NPIPB2: variants seen among roughly 807,000 people sequenced by gnomAD.
The protein encoded by NPIPB2 is nuclear pore complex interacting protein family member B2.
Under a neutral mutation model 30.8 loss-of-function variants are expected in NPIPB2, and 27 were observed. That is an observed-to-expected ratio of 0.88 (90% CI 0.65 to 1.21). The LOEUF is 1.21. Ranked by LOEUF, NPIPB2 falls within the 50% of genes most tolerant of loss-of-function variation. The pLI, the probability that NPIPB2 is intolerant of heterozygous loss-of-function variation, is 0.00. For missense variants in NPIPB2, 440 were observed against 446.2 expected (o/e 0.99, Z 0.13); for synonymous variants, 147 against 162.0 (o/e 0.91, Z 0.70).
At chr16:11,944,101 C>T (rs1352258322), upstream of NPIPB2, among the ~76,000 whole-genome samples, 1 of 145,716 alleles carries the variant, frequency 6.9e-6, no homozygotes, top group Non-Finnish European at 1.5e-5. Context: ...AATTTTAAAA[C>T]ATGAGGTGAA....
chr16:11,937,643 T>G lies in NPIPB2; in HGVS notation c.89A>C (p.His30Pro), dbSNP rs746593962. Residue 30 changes from histidine (H) to proline (P), a missense_variant, in exon 2 of 8, where the codon CAT (histidine) becomes CCT (proline). Around this residue, in one of 3 missense-constraint regions of NPIPB2, gnomAD observed 252 missense variants for 233.0 expected, o/e 1.08. Coordinates refer to ENST00000399147, the Ensembl canonical transcript of NPIPB2. ...TCCACCAAAGTCAGTCCCACGATGA[T>G]GATGGTCAGCCAGAGTATTGATAAC... The G allele has an allele frequency of 4.4e-6, 7 of 1,599,268 alleles. No homozygotes were observed. The South Asian group carries it at 7.7e-5, about 18-fold the overall frequency.
intron 1 of NPIPB2, among the ~76,000 whole-genome samples, chr16:11,941,684 C>G (rs1349382543): frequency 2.6e-5 from 4 of 151,556 alleles, no homozygotes; most frequent in Non-Finnish European, 4.4e-5. Context: ...TACTCCCTCT[C>G]CACCAATCCC....
At chr16:11,927,507 T>G in exon 8 of NPIPB2, 1 of 1,532,490 alleles carries the variant, frequency 6.5e-7, no homozygotes, top group Non-Finnish European at 8.9e-7. Context: ...GCCCTCCGCC[T>G]CTTGGGTTCG....
chr16:11,952,521 C>T (rs1024732819), intron 1 of NPIPB2, among the ~76,000 whole-genome samples: 26 of 151,828 alleles, frequency 1.7e-4, no homozygotes, highest in African/African-American at 6.3e-4. Flanking sequence ...TGACTAACCC[C>T]TACACCCGAA....
chr16:11,930,512 C>A, exon 5 of NPIPB2: 1 of 1,588,540 alleles, frequency 6.3e-7, no homozygotes, highest in Non-Finnish European at 8.5e-7. Context: ...ACACCTGCCT[C>A]TCCTTTTCTG....
intron 1 of NPIPB2, chr16:11,941,122 C>G: frequency 6.9e-7 from 1 of 1,452,650 alleles, no homozygotes; most frequent in Non-Finnish European, 9.1e-7. Context: ...CCGCGTGACA[C>G]AGCCCAGTAA....
At position 11,933,818 on chromosome 16, in the gene NPIPB2, G is replaced by C. The variant is rs749333436; in HGVS notation, c.292+7C>G. The C allele has an allele frequency of 1.2e-5, 19 of 1,589,328 alleles. No homozygotes were observed. In the African/African-American group the frequency reaches 2.1e-4, roughly 18 times the overall value. On this transcript the variant is annotated splice_region_variant and intron_variant, in intron 3 of 7. Transcript: ENST00000399147. ...TCCACACTATGGGGACTCCAACAGA[G>C]CCATACCTTCCTGTCTACGGCGGTT... is the stretch of plus-strand genomic sequence containing the variant.
downstream of NPIPB2, chr16:11,927,308 G>A: frequency 3.9e-6 from 3 of 759,650 alleles, no homozygotes; most frequent in Non-Finnish European, 6.7e-6. Flanking sequence ...TTTGTTTTTG[G>A]AGTGTGGGTT....
chr16:11,975,147 T>TTTTTTTC (rs2055267496), intron 1 of NPIPB2, among the ~76,000 whole-genome samples: 1 of 61,668 alleles, frequency 1.6e-5, no homozygotes, highest in African/African-American at 6.0e-5. Context: ...TCACCTTTTT[T>TTTTTTTC]TTTTTTTTTT....
intron 1 of NPIPB2, among the ~76,000 whole-genome samples, chr16:11,958,489 G>T (rs1261154088): frequency 6.6e-6 from 1 of 152,080 alleles, no homozygotes; most frequent in Non-Finnish European, 1.5e-5. Context: ...TAGCACTTTG[G>T]GAGGCCAAGT....
chr16:11,948,766 CAAAAAAAAA>C (rs34639444), intron 1 of NPIPB2, among the ~76,000 whole-genome samples: 19 of 67,256 alleles, frequency 2.8e-4, no homozygotes, highest in African/African-American at 7.7e-4. Context: ...GACTCCGTCT[CAAAAAAAAA>C]AAAAAAAAAA....
chr16:11,956,510 T>A (rs1596503076), intron 1 of NPIPB2, among the ~76,000 whole-genome samples: 1 of 152,212 alleles, frequency 6.6e-6, no homozygotes, highest in South Asian at 2.1e-4. Context: ...ACCCCATCTC[T>A]ATTAAAAATA....
chr16:11,942,499 C>G (rs1045694070), upstream of NPIPB2, among the ~76,000 whole-genome samples: 2 of 150,966 alleles, frequency 1.3e-5, no homozygotes, highest in Non-Finnish European at 1.5e-5. Context: ...TTTTAACATC[C>G]GAAACCGAGT....
chr16:11,967,573 C>A (rs1474021676), intron 1 of NPIPB2: 2 of 1,609,912 alleles, frequency 1.2e-6, no homozygotes, highest in Admixed American at 3.4e-5. Context: ...TAATTAGGAT[C>A]AGGTCTCCTG....
chr16:11,959,827 G>T (rs2055141018), intron 1 of NPIPB2, among the ~76,000 whole-genome samples: 1 of 152,086 alleles, frequency 6.6e-6, no homozygotes, highest in African/African-American at 2.4e-5. Context: ...AGGCTGAAGT[G>T]CAGTAGCACA....
chr16:11,968,870 CT>C lies in NPIPB2; in HGVS notation c.-584+7697del, dbSNP rs35891367. 2.3e-3 allele frequency: 333 copies of C among 143,354 alleles called. 1 individual carries two copies. The highest frequency in any genetic ancestry group is 8.5e-3 in the East Asian group (42 of 4,930). 8.9% of individuals were successfully genotyped at this position (143,354 alleles called of 1,614,324 possible). A position where few individuals can be genotyped will look rare whatever the true frequency, so the allele number is the denominator to read the frequency against. On this transcript the variant is annotated intron_variant, in intron 1 of 5. Coordinates refer to the NPIPB2 transcript ENST00000538896. ...TCAGTAACCAATTTCTTTTTCTTTTCTTTTTTTTTTTTTTGAAACGGAGTCC... is the reference window on the plus strand; with the variant it reads ...TCAGTAACCAATTTCTTTTTCTTTTCTTTTTTTTTTTTTGAAACGGAGTCC...
At chr16:11,938,950 C>A (rs1013903597) in intron 1 of NPIPB2, among the ~76,000 whole-genome samples, 1 of 151,494 alleles carries the variant, frequency 6.6e-6, no homozygotes, top group South Asian at 2.1e-4. Context: ...GTTTCACCAT[C>A]TTGGCCAGGC....
chr16:11,962,197 TAAAAA>T (rs34733614), intron 1 of NPIPB2, among the ~76,000 whole-genome samples: 1 of 95,712 alleles, frequency 1.0e-5, no homozygotes, highest in East Asian at 3.1e-4. Context: ...CACCCTGTCT[TAAAAA>T]AAAAAAAAAA....
At chr16:11,973,542 T>C (rs1375511250) in intron 1 of NPIPB2, among the ~76,000 whole-genome samples, 1 of 152,172 alleles carries the variant, frequency 6.6e-6, no homozygotes, top group East Asian at 1.9e-4. Context: ...TACCTATCCC[T>C]CAACAGAGTT....
Sources: allele counts gnomAD v4.1 joint callset (sites outside exome capture counted in the v4.1 genomes callset), GRCh38; gene constraint gnomAD v4.1.1; regional missense constraint gnomAD v4.1.1; transcripts MANE v1.5; gene names NCBI Gene and HGNC (gene_info 2026-07-23, HGNC 2026-07-21).